The following TMPRSS15 variants were observed in gnomAD, a reference collection of about 807,000 sequenced individuals.
TMPRSS15 encodes the protein enteropeptidase.
TMPRSS15 carries 128 observed loss-of-function variants against 125.3 expected under a neutral mutation model. The ratio of observed to expected loss-of-function variants is 1.02; its 90% CI spans 0.89 to 1.18. TMPRSS15 has a LOEUF of 1.18. Ranked by LOEUF, TMPRSS15 falls within the 50% of genes most tolerant of loss-of-function variation. The pLI, the probability that TMPRSS15 is intolerant of heterozygous loss-of-function variation, is 0.00. For synonymous variants in TMPRSS15, 446 were observed against 423.2 expected, an observed-to-expected ratio of 1.05 and a Z score of -0.66; for missense variants, 1,283 against 1,212.7, an observed-to-expected ratio of 1.06 and a Z score of -0.86.
chr21:18,322,338 A>C lies in TMPRSS15; in HGVS notation c.1921+4094T>G, dbSNP rs543495224. On this transcript the variant is annotated intron_variant, in intron 16 of 24. Transcript: ENST00000284885. Reference sequence around the variant, plus strand: ...GAACTAAGAAATATAAAAACTAAAAATATAACTACCATATAATTCAGGAGC... The same window carrying C: ...GAACTAAGAAATATAAAAACTAAAACTATAACTACCATATAATTCAGGAGC... 3.0e-3 allele frequency among the ~76,000 whole-genome samples: 463 copies of C among 152,342 alleles called. 2 individuals carry two copies. The highest frequency in any genetic ancestry group is 4.9e-3 in the Non-Finnish European group (336 of 68,036).
At chr21:18,301,612 C>A (rs1042621587) in intron 18 of TMPRSS15, among the ~76,000 whole-genome samples, 1 of 152,064 alleles carries the variant, frequency 6.6e-6, no homozygotes, top group Non-Finnish European at 1.5e-5. Flanking sequence ...AGGCACTCTG[C>A]GAAGATTAAA....
At chr21:18,450,986 C>T (rs2076267243) in intron 1 of TMPRSS15, among the ~76,000 whole-genome samples, 1 of 148,478 alleles carries the variant, frequency 6.7e-6, no homozygotes, top group Non-Finnish European at 1.5e-5. Flanking sequence ...TATTCTTATC[C>T]TACCCATTTT....
At chr21:18,376,443 C>G (rs372415817) in intron 5 of TMPRSS15, among the ~76,000 whole-genome samples, 2 of 152,096 alleles carry the variant, frequency 1.3e-5, no homozygotes, top group African/African-American at 2.4e-5. Context: ...GTAATTAAAT[C>G]GAGGAAAATA....
In TMPRSS15 at chr21:18,446,449, A is replaced by G. The variant is rs115641986; in HGVS notation, c.10+39350T>C. 3.8e-3 allele frequency among the ~76,000 whole-genome samples: 576 copies of G among 152,284 alleles called. 6 individuals carry two copies. The highest frequency in any genetic ancestry group is 0.013 in the African/African-American group (534 of 41,568). ...AAGTTCTTCAAAGAAATAGAAAAAAATGCTAAATTTATACGGAACCACAAA... is the reference window on the plus strand; with the variant it reads ...AAGTTCTTCAAAGAAATAGAAAAAAGTGCTAAATTTATACGGAACCACAAA... On this transcript the variant is annotated intron_variant, in intron 1 of 7. Transcript: ENST00000422787.
upstream of TMPRSS15, among the ~76,000 whole-genome samples, chr21:18,407,811 A>G (rs2076156298): frequency 6.6e-6 from 1 of 152,192 alleles, no homozygotes; most frequent in Admixed American, 6.6e-5. Context: ...CGTATAAGAT[A>G]AAACGCTTTA....
intron 10 of TMPRSS15, among the ~76,000 whole-genome samples, chr21:18,346,164 A>G (rs965577691): frequency 4.6e-5 from 7 of 152,142 alleles, no homozygotes; most frequent in African/African-American, 1.7e-4. Flanking sequence ...TTAGAAGATG[A>G]ATAAAAGCCT....
chr21:18,400,514 A>G (rs1308005878), intron 1 of TMPRSS15, among the ~76,000 whole-genome samples: 2 of 152,216 alleles, frequency 1.3e-5, no homozygotes, highest in East Asian at 3.8e-4. Context: ...GTGCTGGTAT[A>G]TCTGGCTAGC....
At chr21:18,393,717 C>T (rs1210797302) in intron 3 of TMPRSS15, among the ~76,000 whole-genome samples, 1 of 152,118 alleles carries the variant, frequency 6.6e-6, no homozygotes, top group Non-Finnish European at 1.5e-5. Context: ...AGATTTTATA[C>T]CTTAATCATC....
intron 10 of TMPRSS15, among the ~76,000 whole-genome samples, chr21:18,351,391 C>T (rs928557902): frequency 5.9e-5 from 9 of 152,144 alleles, no homozygotes; most frequent in Non-Finnish European, 8.8e-5. Context: ...TGTGTCCCCA[C>T]CCAAATCTCA....
intron 23 of TMPRSS15, among the ~76,000 whole-genome samples, chr21:18,277,960 AAAAAGT>A (rs1242754815): frequency 6.6e-6 from 1 of 152,200 alleles, no homozygotes; most frequent in African/African-American, 2.4e-5. Context: ...ACTTTTCAAA[AAAAAGT>A]ATGATTATTT....
At chr21:18,290,464 G>T (rs2074820277) in intron 21 of TMPRSS15, among the ~76,000 whole-genome samples, 1 of 150,046 alleles carries the variant, frequency 6.7e-6, no homozygotes, top group Non-Finnish European at 1.5e-5. Flanking sequence ...TCAAAGAGTA[G>T]GACTATATTA....
intron 1 of TMPRSS15, among the ~76,000 whole-genome samples, chr21:18,408,857 T>A (rs1465244425): frequency 6.6e-6 from 1 of 151,390 alleles, no homozygotes; most frequent in Non-Finnish European, 1.5e-5. Flanking sequence ...TGGCTGGATA[T>A]AAAAATTTGG....
At chr21:18,390,517 G>A (rs750084) in intron 3 of TMPRSS15, among the ~76,000 whole-genome samples, 22,617 of 152,078 alleles carry the variant, frequency 0.15, 2,166 homozygotes, top group East Asian at 0.29. Flanking sequence ...TGAAAATACA[G>A]GTATCAAAGA....
chr21:18,388,744 C>T (rs143090487), intron 3 of TMPRSS15, among the ~76,000 whole-genome samples: 1 of 152,272 alleles, frequency 6.6e-6, no homozygotes, highest in Non-Finnish European at 1.5e-5. Context: ...ACAACGTAGA[C>T]AAATAGCTTA....
chr21:18,309,852 A>G (rs1601313451), intron 18 of TMPRSS15, among the ~76,000 whole-genome samples: 1 of 152,282 alleles, frequency 6.6e-6, no homozygotes, highest in East Asian at 1.9e-4. Flanking sequence ...TAGTTCAACT[A>G]AACTGATTAT....
rs142493098 is a variant in TMPRSS15 at position 18,358,903 on chromosome 21, G to C, written c.880+854C>G. On this transcript the variant is annotated intron_variant, in intron 8 of 24. Transcript: ENST00000284885. ...TTCAATAGGATTCACTTTTCATTAC[G>C]TATAAATACAATTTGAGAGGCAAGG... 6.3e-3 allele frequency among the ~76,000 whole-genome samples: 954 copies of C among 152,034 alleles called. 14 individuals carry two copies. Among genetic ancestry groups the C allele is most frequent in the African/African-American group, 0.022 (893 of 41,488 alleles).
intron 1 of TMPRSS15, among the ~76,000 whole-genome samples, chr21:18,481,084 A>G (rs568073211): frequency 6.6e-6 from 1 of 151,960 alleles, no homozygotes; most frequent in East Asian, 1.9e-4. Context: ...CCAAGCTCAG[A>G]TTACTAGGAT....
chr21:18,408,282 T>C (rs552318741), upstream of TMPRSS15, among the ~76,000 whole-genome samples: 9 of 152,306 alleles, frequency 5.9e-5, no homozygotes, highest in South Asian at 1.9e-3. Context: ...AACACTTCTG[T>C]GAAATTTCAT....
At chr21:18,465,128 T>A (rs1209184529) in intron 1 of TMPRSS15, among the ~76,000 whole-genome samples, 1 of 152,076 alleles carries the variant, frequency 6.6e-6, no homozygotes. Context: ...ATAAATGTAA[T>A]CCATCACATA....
Sources: allele counts gnomAD v4.1 joint callset (sites outside exome capture counted in the v4.1 genomes callset), GRCh38; gene constraint gnomAD v4.1.1; transcripts MANE v1.5; gene names NCBI Gene and HGNC (gene_info 2026-07-23, HGNC 2026-07-21).